The following AK4 variants were observed in gnomAD, a reference collection of about 807,000 sequenced individuals.
AK4 encodes the protein adenylate kinase 4, mitochondrial.
AK4 carries 13 observed loss-of-function variants against 24.6 expected under a neutral mutation model. That is an observed-to-expected ratio of 0.53 (90% CI 0.34 to 0.84). The LOEUF (loss-of-function observed/expected upper bound fraction) is 0.84. AK4 is among the 40% of genes least tolerant of loss of function. AK4 has a pLI of 0.01. For missense variants in AK4, 192 were observed against 288.2 expected, an observed-to-expected ratio of 0.67 and a Z score of 2.42; for synonymous variants, 88 against 107.0, an observed-to-expected ratio of 0.82 and a Z score of 1.10.
intron 1 of AK4, among the ~76,000 whole-genome samples, chr1:65,158,409 G>C (rs1650046230): frequency 6.6e-6 from 1 of 152,184 alleles, no homozygotes; most frequent in Non-Finnish European, 1.5e-5. Flanking sequence ...GAAGGTTTAA[G>C]GAGTTGGAAA....
chr1:65,197,212 T>G (rs200345730), intron 2 of AK4, among the ~76,000 whole-genome samples: 1 of 39,728 alleles, frequency 2.5e-5, no homozygotes, highest in Non-Finnish European at 3.7e-5. Context: ...TTAGTAACTG[T>G]TTTTTTTCGT....
chr1:65,171,991 G>A (rs911770136), intron 1 of AK4, among the ~76,000 whole-genome samples: 2 of 146,864 alleles, frequency 1.4e-5, no homozygotes, highest in Admixed American at 6.9e-5. Context: ...GAACCCAGGC[G>A]CAGAGGTTAA....
rs1374585874 is a variant in AK4 at position 65,148,428 on chromosome 1, C to T, written c.21C>T (p.Arg7=). 3.2e-6 allele frequency: 5 copies of T among 1,553,688 alleles called. No homozygotes were observed. Among genetic ancestry groups the T allele is most frequent in the African/African-American group, 1.4e-5 (1 of 72,848 alleles). Residue 7 remains arginine, a synonymous_variant, in exon 1 of 5, where the codon CGC becomes CGT. Transcript: ENST00000327299. ...AGGCAATGGCTTCCAAACTCCTGCGCGCGGTCATCCTCGGGCCGCCCGGCT... is the reference window on the plus strand; with the variant it reads ...AGGCAATGGCTTCCAAACTCCTGCGTGCGGTCATCCTCGGGCCGCCCGGCT... MASKLL[R]AVILGPPGSG...
intron 1 of AK4, chr1:65,154,545 C>T (rs531569827): frequency 4.6e-5 from 24 of 525,682 alleles, no homozygotes; most frequent in East Asian, 3.1e-4. Flanking sequence ...GCTCTTGTCG[C>T]GTCTGTTCAA....
chr1:65,213,306 A>G (rs188660945), intron 2 of AK4, among the ~76,000 whole-genome samples: 1 of 152,318 alleles, frequency 6.6e-6, no homozygotes, highest in Admixed American at 6.5e-5. Flanking sequence ...TTACTATTAA[A>G]GAGTCAGGTA....
At chr1:65,211,051 G>A (rs1319007815) in intron 2 of AK4, among the ~76,000 whole-genome samples, 1 of 152,104 alleles carries the variant, frequency 6.6e-6, no homozygotes, top group Non-Finnish European at 1.5e-5. Flanking sequence ...GAAACAACTT[G>A]GATGTCCACC....
chr1:65,151,669 G>T (rs1029151876), intron 1 of AK4, among the ~76,000 whole-genome samples: 3 of 152,088 alleles, frequency 2.0e-5, no homozygotes, highest in Non-Finnish European at 2.9e-5. Context: ...TAAAGGCCTG[G>T]GTCACAAATT....
chr1:65,173,983 A>G (rs1018012357), intron 1 of AK4, among the ~76,000 whole-genome samples: 9 of 152,166 alleles, frequency 5.9e-5, no homozygotes, highest in Admixed American at 2.0e-4. Context: ...CTAAAAACCT[A>G]TCAGCCATTC....
At chr1:65,186,856 T>C (rs1053930305) in intron 1 of AK4, among the ~76,000 whole-genome samples, 1 of 152,164 alleles carries the variant, frequency 6.6e-6, no homozygotes, top group Non-Finnish European at 1.5e-5. Flanking sequence ...ACACAATGTA[T>C]ATGAACATTC....
At chr1:65,166,712 G>T (rs1466319105) in intron 1 of AK4, among the ~76,000 whole-genome samples, 1 of 152,042 alleles carries the variant, frequency 6.6e-6, no homozygotes, top group African/African-American at 2.4e-5. Flanking sequence ...TGAAGACGGG[G>T]GTCTCACTAT....
At chr1:65,148,778 C>T (rs1438922877) in intron 1 of AK4, among the ~76,000 whole-genome samples, 2 of 152,164 alleles carry the variant, frequency 1.3e-5, no homozygotes, top group East Asian at 1.9e-4. Context: ...CACGGCTCCT[C>T]TCCACCGCTC....
At chr1:65,172,062 AGTATATATATATAT>A (rs1339713459) in intron 1 of AK4, among the ~76,000 whole-genome samples, 3 of 29,912 alleles carry the variant, frequency 1.0e-4, no homozygotes, top group Non-Finnish European at 2.8e-4. Context: ...CTCCATCTCA[AGTATATATATATAT>A]ATATATATAT....
intron 2 of AK4, among the ~76,000 whole-genome samples, chr1:65,214,965 G>A (rs1043874464): frequency 4.6e-5 from 7 of 152,122 alleles, no homozygotes; most frequent in Admixed American, 2.0e-4. Context: ...AAGCCTGACA[G>A]AAAAATGGGG....
At chr1:65,152,382 A>C (rs1159580305) in intron 1 of AK4, among the ~76,000 whole-genome samples, 2 of 26,714 alleles carry the variant, frequency 7.5e-5, no homozygotes, top group African/African-American at 1.1e-4. Context: ...ATATATATAT[A>C]TATTTTTTTT....
chr1:65,153,792 G>GC (rs1217740310), intron 1 of AK4, among the ~76,000 whole-genome samples: 1 of 152,142 alleles, frequency 6.6e-6, no homozygotes, highest in African/African-American at 2.4e-5. Context: ...TAAACAATGA[G>GC]CTTGTGATGA....
intron 3 of AK4, 78 bp downstream of exon 3, chr1:65,219,004 A>ATGAG: frequency 4.2e-6 from 5 of 1,181,972 alleles, no homozygotes; most frequent in Non-Finnish European, 5.9e-6. Flanking sequence ...AGAAAAGGAT[A>ATGAG]TGAGTAGACC....
chr1:65,205,961 C>G (rs1394148461), intron 2 of AK4, among the ~76,000 whole-genome samples: 1 of 152,190 alleles, frequency 6.6e-6, no homozygotes, highest in Non-Finnish European at 1.5e-5. Context: ...GGCCCTTGCA[C>G]TTACTGTTCC....
chr1:65,223,536 C>G (rs569123060), intron 3 of AK4, among the ~76,000 whole-genome samples: 1 of 152,074 alleles, frequency 6.6e-6, no homozygotes, highest in East Asian at 1.9e-4. Context: ...GGGTTCTTGC[C>G]TTTTTCCCCA....
intron 3 of AK4, among the ~76,000 whole-genome samples, chr1:65,223,924 C>T (rs575439222): frequency 2.0e-5 from 3 of 152,148 alleles, no homozygotes; most frequent in African/African-American, 7.2e-5. Flanking sequence ...ACCCGGGAGG[C>T]GGAGGTTGCA....
Sources: gnomAD v4.1 joint callset for allele counts (sites outside exome capture counted in the v4.1 genomes callset) on GRCh38, gnomAD v4.1.1 for gene constraint, MANE v1.5 for transcripts, NCBI Gene and HGNC (gene_info 2026-07-23, HGNC 2026-07-21) for gene names.